Variants in SPRED2 observed in about 807,000 individuals in gnomAD.
SPRED2 encodes the protein sprouty related EVH1 domain containing 2.
A neutral mutation model predicts 43.0 loss-of-function variants in SPRED2; 47 were observed. The observed-to-expected ratio is 1.09, with a 90% CI of 0.87 to 1.40. The LOEUF is 1.40. SPRED2 is among the 40% of genes most tolerant of loss of function. The probability of loss-of-function intolerance (pLI) is 0.00; values close to 1 mark genes in which losing one functional copy is unlikely to be tolerated. For synonymous variants in SPRED2, 225 were observed against 225.7 expected (o/e 1.00, Z 0.03); for missense variants, 561 against 586.4 (o/e 0.96, Z 0.45).
rs1289210332 is a variant in SPRED2, at chr2:65,311,631, G to A, written c.*1870C>T. 1.0e-6 allele frequency: 1 copy of A among 985,722 alleles called. No individual in the cohort carries two copies. The highest frequency in any genetic ancestry group is 1.2e-6 in the Non-Finnish European group (1 of 829,962). 61.1% of individuals were successfully genotyped at this position (985,722 alleles called of 1,614,324 possible). A position where few individuals can be genotyped will look rare whatever the true frequency, so the allele number is the denominator to read the frequency against. Reference sequence around the variant, plus strand: ...CTGAAGGTTTTCTAGATGTTCTCCAGGCATGGATGAGGTTCTCTTTTCTTC... The same window carrying A: ...CTGAAGGTTTTCTAGATGTTCTCCAAGCATGGATGAGGTTCTCTTTTCTTC... On this transcript the variant is annotated 3_prime_UTR_variant, in exon 6 of 6. Transcript: ENST00000356388.
At chr2:65,424,835 C>T (rs376020473) in intron 1 of SPRED2, among the ~76,000 whole-genome samples, 23 of 152,074 alleles carry the variant, frequency 1.5e-4, no homozygotes, top group Non-Finnish European at 2.2e-4. Context: ...ACCTACAATC[C>T]CAGCTACTCA....
chr2:65,424,937 C>T (rs1042082646), intron 1 of SPRED2, among the ~76,000 whole-genome samples: 1 of 149,004 alleles, frequency 6.7e-6, no homozygotes, highest in African/African-American at 2.6e-5. Context: ...ACAAACAAAC[C>T]TATTCCCACA....
At chr2:65,322,290 A>ATTTTTTTTT (rs1346549604) in intron 4 of SPRED2, among the ~76,000 whole-genome samples, 1 of 78,992 alleles carries the variant, frequency 1.3e-5, no homozygotes, top group African/African-American at 6.1e-5. Flanking sequence ...ATATATATAT[A>ATTTTTTTTT]TATATTTTTT....
intron 2 of SPRED2, among the ~76,000 whole-genome samples, chr2:65,343,634 C>G (rs905130403): frequency 1.3e-5 from 2 of 152,150 alleles, no homozygotes; most frequent in South Asian, 4.1e-4. Flanking sequence ...ACTCCATGAT[C>G]AAATACAGAT....
In SPRED2 at chr2:65,406,418, G is replaced by A. The variant is rs191927985; in HGVS notation, c.26+25544C>T. ...CCCTTCCCCCCAAATCAAAGATCCT[G>A]GTTTTGCTAGGCAGGACCCAATATT... On this transcript the variant is annotated intron_variant, in intron 1 of 5. Coordinates refer to ENST00000356388, the MANE Select transcript of SPRED2 (RefSeq NM_181784.3). Among the ~76,000 whole-genome samples the A allele has an allele frequency of 1.9e-4, 29 of 152,320 alleles. No individual in the cohort carries two copies. The East Asian group carries it at 4.2e-3, about 22-fold the overall frequency.
chr2:65,428,298 T>A (rs1218450760), intron 1 of SPRED2, among the ~76,000 whole-genome samples: 3 of 152,180 alleles, frequency 2.0e-5, no homozygotes, highest in African/African-American at 4.8e-5. Flanking sequence ...AAAACTGACA[T>A]GACATATGAA....
At chr2:65,338,278 C>CTCTCCCGTCTCCCTCTCCA in intron 2 of SPRED2, among the ~76,000 whole-genome samples, 1 of 123,890 alleles carries the variant, frequency 8.1e-6, no homozygotes, top group South Asian at 2.8e-4. Context: ...CTCCCTCTCC[C>CTCTCCCGTCTCCCTCTCCA]TCTCCCGTCT....
chr2:65,426,992 A>T (rs542048830), intron 1 of SPRED2, among the ~76,000 whole-genome samples: 49 of 152,190 alleles, frequency 3.2e-4, no homozygotes, highest in Non-Finnish European at 5.9e-4. Flanking sequence ...TGCACTAGGC[A>T]CTTAAGTTTA....
In SPRED2 at chr2:65,312,261, A is replaced by G. The variant is rs186624918; in HGVS notation, c.*1240T>C. 2.0e-4 allele frequency: 193 copies of G among 985,604 alleles called. 3 individuals carry two copies. In the Middle Eastern group the frequency reaches 5.2e-3, roughly 27 times the overall value. 61.1% of individuals were successfully genotyped at this position (985,604 alleles called of 1,614,324 possible). Reference sequence around the variant, plus strand: ...GGGTTTGGAGTTGCAGGAGAAAGACACTTAGGCATTGGAAGGGTTTTTACA... The same window carrying G: ...GGGTTTGGAGTTGCAGGAGAAAGACGCTTAGGCATTGGAAGGGTTTTTACA... On this transcript the variant is annotated 3_prime_UTR_variant, in exon 6 of 6. Coordinates refer to ENST00000356388, the MANE Select transcript of SPRED2 (RefSeq NM_181784.3).
intron 1 of SPRED2, among the ~76,000 whole-genome samples, chr2:65,346,301 T>C (rs1674347357): frequency 6.6e-6 from 1 of 151,868 alleles, no homozygotes; most frequent in South Asian, 2.1e-4. Context: ...CTTTACTTCC[T>C]CATCCCCTTC....
intron 1 of SPRED2, among the ~76,000 whole-genome samples, chr2:65,351,650 G>A (rs1258771138): frequency 1.3e-5 from 2 of 152,010 alleles, no homozygotes; most frequent in African/African-American, 4.8e-5. Flanking sequence ...ATTTATAAAG[G>A]CTCTTTGATT....
At chr2:65,310,834 T>C (rs1229676087), downstream of SPRED2, 1 of 981,234 alleles carries the variant, frequency 1.0e-6, no homozygotes, top group Non-Finnish European at 1.2e-6. Context: ...GCCAGACAAA[T>C]ACCCCAAAGC....
chr2:65,403,033 T>C (rs1164367656), intron 1 of SPRED2, among the ~76,000 whole-genome samples: 1 of 152,336 alleles, frequency 6.6e-6, no homozygotes, highest in East Asian at 1.9e-4. Flanking sequence ...CTAATAACAT[T>C]TGATTTACAT....
At chr2:65,398,217 C>T (rs184859513) in intron 1 of SPRED2, among the ~76,000 whole-genome samples, 9 of 152,336 alleles carry the variant, frequency 5.9e-5, no homozygotes, top group Admixed American at 5.9e-4. Context: ...CCTCATCTCT[C>T]ATCTTATACA....
At position 65,312,593 on chromosome 2, in the gene SPRED2, G is replaced by C. The variant is rs1313223687; in HGVS notation, c.*908C>G. On this transcript the variant is annotated 3_prime_UTR_variant, in exon 6 of 6. Coordinates refer to ENST00000356388, the MANE Select transcript of SPRED2 (RefSeq NM_181784.3). ...ACAAGCAAAATTTCTTACTTCACTA[G>C]TATCCTATTCTAATATTGCTAAATT... 1.0e-6 allele frequency: 1 copy of C among 985,692 alleles called. No individual in the cohort carries two copies. The highest frequency in any genetic ancestry group is 1.2e-6 in the Non-Finnish European group (1 of 829,880). 61.1% of individuals were successfully genotyped at this position (985,692 alleles called of 1,614,324 possible).
At chr2:65,416,777 C>T (rs1182131543) in intron 1 of SPRED2, among the ~76,000 whole-genome samples, 2 of 152,080 alleles carry the variant, frequency 1.3e-5, no homozygotes, top group Non-Finnish European at 2.9e-5. Flanking sequence ...GGACCTTGGG[C>T]TCTCCGGATA....
At chr2:65,345,259 G>GGT (rs1674316855) in intron 1 of SPRED2, among the ~76,000 whole-genome samples, 1 of 111,344 alleles carries the variant, frequency 9.0e-6, no homozygotes, top group African/African-American at 3.2e-5. Flanking sequence ...TTTAGTTGTT[G>GGT]TTTTTTTTTT....
chr2:65,337,044 C>T (rs891805175), intron 2 of SPRED2, among the ~76,000 whole-genome samples: 2 of 152,042 alleles, frequency 1.3e-5, no homozygotes, highest in African/African-American at 4.8e-5. Flanking sequence ...GGAGGCGGAG[C>T]TTGCAGTGGG....
At position 65,346,863 on chromosome 2, in the gene SPRED2, A is replaced by G. The variant is rs60208627; in HGVS notation, c.27-1967T>C. On this transcript the variant is annotated intron_variant, in intron 1 of 5. Transcript: ENST00000356388. Reference sequence around the variant, plus strand: ...CTTGAAGACTTCAGCAACCAGGCTCACTGACTCTCCATCTCTCCACCATGA... The same window carrying G: ...CTTGAAGACTTCAGCAACCAGGCTCGCTGACTCTCCATCTCTCCACCATGA... 2.2e-3 allele frequency among the ~76,000 whole-genome samples: 340 copies of G among 152,224 alleles called. 4 individuals are homozygous for G. The highest frequency in any genetic ancestry group is 8.0e-3 in the African/African-American group (332 of 41,522).
Sources: allele counts gnomAD v4.1 joint callset (sites outside exome capture counted in the v4.1 genomes callset), GRCh38; gene constraint gnomAD v4.1.1; transcripts MANE v1.5; gene names NCBI Gene and HGNC (gene_info 2026-07-23, HGNC 2026-07-21).